Variants in ASTN2 observed in about 807,000 individuals in gnomAD.
ASTN2 encodes the protein astrotactin-2.
In ASTN2, 54 loss-of-function variants were observed where a neutral mutation model predicts 139.8. The ratio of observed to expected loss-of-function variants is 0.39; its 90% CI spans 0.31 to 0.48. ASTN2 has a LOEUF of 0.48. ASTN2 is among the 20% of genes least tolerant of loss of function. The pLI, the probability that ASTN2 is intolerant of heterozygous loss-of-function variation, is 0.95. For synonymous variants in ASTN2, 756 were observed against 719.5 expected (o/e 1.05, Z -0.81); for missense variants, 1,565 against 1,725.1 (o/e 0.91, Z 1.64).
At chr9:116,508,441 G>C (rs762166126) in intron 19 of ASTN2, among the ~76,000 whole-genome samples, 1 of 152,072 alleles carries the variant, frequency 6.6e-6, no homozygotes, top group Non-Finnish European at 1.5e-5. Flanking sequence ...TGTTCAACAG[G>C]ACCAGTCAAT....
At chr9:116,661,150 G>A (rs1021490085) in intron 16 of ASTN2, among the ~76,000 whole-genome samples, 3 of 152,034 alleles carry the variant, frequency 2.0e-5, no homozygotes, top group African/African-American at 4.8e-5. Flanking sequence ...GGAATCAGTC[G>A]GCATTGAAGG....
At chr9:116,993,581 T>A (rs779341339) in intron 7 of ASTN2, among the ~76,000 whole-genome samples, 1 of 150,044 alleles carries the variant, frequency 6.7e-6, no homozygotes, top group South Asian at 2.1e-4. Context: ...CTATAGATAC[T>A]ATATATAGGA....
rs374986902 is a variant in ASTN2 at position 117,080,853 on chromosome 9, A to T, written c.1276+15191T>A. ...AACCCCTGACACCCCAGAGAACCAC[A>T]CTGTTCCTAGAATCTACAATGTGTA... is the stretch of plus-strand genomic sequence containing the variant. On this transcript the variant is annotated intron_variant, in intron 5 of 22. Coordinates refer to ENST00000313400, the MANE Select transcript of ASTN2 (RefSeq NM_001365068.1). Among the ~76,000 whole-genome samples the T allele has an allele frequency of 4.6e-5, 7 of 152,230 alleles. No homozygotes were observed. The South Asian group carries it at 1.5e-3, about 32-fold the overall frequency.
chr9:116,822,970 G>A (rs747374960), intron 11 of ASTN2, among the ~76,000 whole-genome samples: 26 of 152,156 alleles, frequency 1.7e-4, no homozygotes, highest in Non-Finnish European at 3.1e-4. Context: ...AGGAGAAGGC[G>A]ATGTGGGGGT....
At chr9:117,157,596 G>T (rs1830458954) in intron 3 of ASTN2, among the ~76,000 whole-genome samples, 2 of 151,912 alleles carry the variant, frequency 1.3e-5, no homozygotes, top group Non-Finnish European at 2.9e-5. Context: ...TGCAAAACAG[G>T]GACTGAAGCA....
At chr9:117,184,204 T>C (rs1367498263) in intron 3 of ASTN2, among the ~76,000 whole-genome samples, 1 of 152,138 alleles carries the variant, frequency 6.6e-6, no homozygotes, top group African/African-American at 2.4e-5. Flanking sequence ...CATTTCTACC[T>C]GACTGCCCAC....
intron 12 of ASTN2, among the ~76,000 whole-genome samples, chr9:116,813,718 A>G (rs938587957): frequency 2.6e-5 from 4 of 152,218 alleles, no homozygotes; most frequent in Admixed American, 2.0e-4. Flanking sequence ...TTTGAAAATA[A>G]GGAAGGAATC....
chr9:116,949,028 A>T (rs949557071), intron 10 of ASTN2, among the ~76,000 whole-genome samples: 5 of 151,824 alleles, frequency 3.3e-5, no homozygotes, highest in Non-Finnish European at 2.9e-5. Flanking sequence ...GGACCTGGTG[A>T]TCTGCCCACC....
intron 13 of ASTN2, among the ~76,000 whole-genome samples, chr9:116,747,515 C>A (rs545852346): frequency 6.6e-6 from 1 of 152,290 alleles, no homozygotes; most frequent in East Asian, 1.9e-4. Flanking sequence ...GTATTATTAT[C>A]TCCCTGCCAG....
intron 19 of ASTN2, among the ~76,000 whole-genome samples, chr9:116,569,230 G>A (rs1276289312): frequency 1.3e-5 from 2 of 152,212 alleles, no homozygotes; most frequent in African/African-American, 2.4e-5. Context: ...CTGGCTAGCC[G>A]TGCAACCCAT....
At chr9:116,798,732 C>T (rs1447486026) in intron 13 of ASTN2, among the ~76,000 whole-genome samples, 2 of 152,254 alleles carry the variant, frequency 1.3e-5, no homozygotes, top group South Asian at 2.1e-4. Context: ...GTTATGATAG[C>T]CAAGTTTGTT....
At chr9:117,207,866 G>C (rs1831988786) in intron 3 of ASTN2, among the ~76,000 whole-genome samples, 1 of 152,144 alleles carries the variant, frequency 6.6e-6, no homozygotes, top group South Asian at 2.1e-4. Flanking sequence ...TCTCAGCCTA[G>C]GTCACTGAGT....
intron 2 of ASTN2, among the ~76,000 whole-genome samples, chr9:117,288,431 A>T (rs1834502303): frequency 6.6e-6 from 1 of 152,118 alleles, no homozygotes; most frequent in South Asian, 2.1e-4. Context: ...TTGAGATTTG[A>T]CTAGAAGATT....
At chr9:116,914,125 A>G (rs1264197486) in intron 10 of ASTN2, among the ~76,000 whole-genome samples, 1 of 151,464 alleles carries the variant, frequency 6.6e-6, no homozygotes, top group Non-Finnish European at 1.5e-5. Flanking sequence ...GGGAAGCAGC[A>G]GAGGATATGG....
rs114751687 is a variant in ASTN2, at chr9:116,810,261, A to G, written c.2208-4441T>C. Among the ~76,000 whole-genome samples, 1,003 of 152,268 alleles carry G rather than the reference A, an allele frequency of 6.6e-3. 10 individuals are homozygous for G. Among genetic ancestry groups the G allele is most frequent in the African/African-American group, 0.023 (960 of 41,548 alleles). ...TTGGTGAAGTTTTTGACTTTTTGTT[A>G]TAAAGGTTTTGCACGTGTCTTTTGG... is the stretch of plus-strand genomic sequence containing the variant. On this transcript the variant is annotated intron_variant, in intron 12 of 22. Coordinates refer to ENST00000313400, the MANE Select transcript of ASTN2 (RefSeq NM_001365068.1).
At chr9:116,690,562 T>G (rs1161166056) in intron 16 of ASTN2, among the ~76,000 whole-genome samples, 2 of 152,216 alleles carry the variant, frequency 1.3e-5, no homozygotes, top group Non-Finnish European at 2.9e-5. Flanking sequence ...ATCTTGTCTT[T>G]CTGGTAAAAC....
chr9:116,481,786 G>A (rs1849177310), intron 20 of ASTN2, among the ~76,000 whole-genome samples: 1 of 152,156 alleles, frequency 6.6e-6, no homozygotes, highest in Non-Finnish European at 1.5e-5. Flanking sequence ...TGAGTCTTCG[G>A]CCCCCAAGCC....
At chr9:116,802,093 T>C (rs867493079) in intron 13 of ASTN2, among the ~76,000 whole-genome samples, 26,792 of 141,020 alleles carry the variant, frequency 0.19, 2,829 homozygotes, top group South Asian at 0.26. Context: ...CTTTTTTTTT[T>C]TTTTTTTTTT....
intron 11 of ASTN2, among the ~76,000 whole-genome samples, chr9:116,824,299 A>C (rs1450654386): frequency 6.6e-6 from 1 of 152,204 alleles, no homozygotes; most frequent in Non-Finnish European, 1.5e-5. Flanking sequence ...GAATTGGTCT[A>C]TGTGACCAAT....
Sources: gnomAD v4.1 joint callset for allele counts (sites outside exome capture counted in the v4.1 genomes callset) on GRCh38, gnomAD v4.1.1 for gene constraint, MANE v1.5 for transcripts, NCBI Gene and HGNC (gene_info 2026-07-23, HGNC 2026-07-21) for gene names.